PABPC4L: variants seen among roughly 807,000 people sequenced by gnomAD.
PABPC4L encodes polyadenylate-binding protein 4-like.
For synonymous variants in PABPC4L, 169 were observed against 164.1 expected (o/e 1.03, Z -0.23); for missense variants, 452 against 451.4 (o/e 1.00, Z -0.01).
At chr4:134,000,570 T>G in the PABPC4L span, among the ~76,000 whole-genome samples, 1 of 152,292 alleles carries the variant, frequency 6.6e-6, no homozygotes, top group South Asian at 2.1e-4. Flanking sequence ...ATTAACTGGA[T>G]CTCAGAATGC....
the PABPC4L span, among the ~76,000 whole-genome samples, chr4:134,089,919 T>C: frequency 1.3e-5 from 2 of 152,048 alleles, no homozygotes; most frequent in African/African-American, 4.8e-5. Context: ...ATACCCTTCA[T>C]AAATAAGGGG....
the PABPC4L span, among the ~76,000 whole-genome samples, chr4:134,146,633 A>C: frequency 6.6e-6 from 1 of 152,076 alleles, no homozygotes; most frequent in Non-Finnish European, 1.5e-5. Context: ...CTGAGGAGTG[A>C]GTAAGGCAGA....
At chr4:133,999,006 A>T in the PABPC4L span, among the ~76,000 whole-genome samples, 1 of 151,906 alleles carries the variant, frequency 6.6e-6, no homozygotes, top group African/African-American at 2.4e-5. Context: ...TACCCAGATG[A>T]AAGGACTGTT....
the PABPC4L span, among the ~76,000 whole-genome samples, chr4:134,127,392 A>G: frequency 1.3e-5 from 2 of 152,112 alleles, no homozygotes; most frequent in Non-Finnish European, 2.9e-5. Context: ...ACCCTCACAG[A>G]GTCCACTTCA....
the PABPC4L span, among the ~76,000 whole-genome samples, chr4:134,172,087 T>C: frequency 6.6e-6 from 1 of 152,138 alleles, no homozygotes; most frequent in African/African-American, 2.4e-5. Flanking sequence ...ATAATGGCCA[T>C]ATTACCCAAA....
the PABPC4L span, among the ~76,000 whole-genome samples, chr4:134,048,338 T>C: frequency 3.7e-3 from 558 of 152,254 alleles, 2 homozygotes; most frequent in African/African-American, 0.013. Context: ...TATATCTCAA[T>C]TGAAATTTTC....
the PABPC4L span, among the ~76,000 whole-genome samples, chr4:134,124,108 C>T: frequency 6.6e-6 from 1 of 152,134 alleles, no homozygotes; most frequent in Admixed American, 6.6e-5. Context: ...TAAATATTAA[C>T]TAAATCATGG....
chr4:134,150,862 G>C, the PABPC4L span, among the ~76,000 whole-genome samples: 1 of 152,078 alleles, frequency 6.6e-6, no homozygotes, highest in Non-Finnish European at 1.5e-5. Flanking sequence ...TTTTATGCCA[G>C]TATAAACTCA....
downstream of PABPC4L, among the ~76,000 whole-genome samples, chr4:134,194,968 C>A (rs1383943762): frequency 6.6e-6 from 1 of 151,698 alleles, no homozygotes; most frequent in South Asian, 2.1e-4. Context: ...TTACCAATAT[C>A]TTTTTAATTA....
At chr4:134,171,190 A>C in the PABPC4L span, among the ~76,000 whole-genome samples, 1 of 152,104 alleles carries the variant, frequency 6.6e-6, no homozygotes, top group Non-Finnish European at 1.5e-5. Context: ...ATCTCAGCTC[A>C]CTGCAACCTC....
At chr4:134,115,116 C>G in the PABPC4L span, among the ~76,000 whole-genome samples, 1 of 151,872 alleles carries the variant, frequency 6.6e-6, no homozygotes, top group Non-Finnish European at 1.5e-5. Flanking sequence ...GCTCCTCTTT[C>G]CTTTCTTTCC....
In PABPC4L at chr4:134,200,106, T is replaced by A; in HGVS notation, c.914A>T (p.Asp305Val). 1 of 1,551,692 alleles carries A rather than the reference T, an allele frequency of 6.4e-7. No individual in the cohort carries two copies. The change falls in exon 2 of 2, where the codon GAT becomes GTT. Residue 305 changes from aspartate (D) to valine (V), a missense_variant. Transcript: ENST00000421491. ...AAATTCGTTTCGTAGTTTTTCATCATCGATGGTGTCATCAAGGTTCTTAAT... is the reference window on the plus strand; with the variant it reads ...AAATTCGTTTCGTAGTTTTTCATCAACGATGGTGTCATCAAGGTTCTTAAT... Reference protein sequence around the residue: ...LYIKNLDDTIDDEKLRNEFSS... With the variant: ...LYIKNLDDTIVDEKLRNEFSS...
chr4:134,037,056 C>CAA, the PABPC4L span, among the ~76,000 whole-genome samples: 9 of 141,204 alleles, frequency 6.4e-5, no homozygotes, highest in Non-Finnish European at 1.3e-4. Context: ...AACTCCATCT[C>CAA]AAAAAAAAAA....
chr4:134,017,597 T>G, the PABPC4L span, among the ~76,000 whole-genome samples: 3 of 152,220 alleles, frequency 2.0e-5, no homozygotes, highest in Non-Finnish European at 4.4e-5. Context: ...CTGGCAGGAC[T>G]ATGCTGAATC....
the PABPC4L span, among the ~76,000 whole-genome samples, chr4:134,101,626 C>T: frequency 3.2e-4 from 48 of 151,354 alleles, no homozygotes; most frequent in African/African-American, 1.1e-3. Context: ...CAACATTTTT[C>T]TTTTTATACA....
At chr4:134,159,380 A>G in the PABPC4L span, among the ~76,000 whole-genome samples, 4 of 152,110 alleles carry the variant, frequency 2.6e-5, no homozygotes, top group Non-Finnish European at 5.9e-5. Flanking sequence ...GCTGTAACAG[A>G]ATAACAAGGA....
chr4:134,134,429 A>G, the PABPC4L span, among the ~76,000 whole-genome samples: 1 of 151,974 alleles, frequency 6.6e-6, no homozygotes, highest in African/African-American at 2.4e-5. Context: ...AATATAACAG[A>G]CATCAGATAG....
the PABPC4L span, among the ~76,000 whole-genome samples, chr4:134,088,092 G>A: frequency 9.9e-5 from 15 of 151,772 alleles, no homozygotes; most frequent in Admixed American, 9.9e-4. Flanking sequence ...GATTTCTGTT[G>A]CTCCTCTTAC....
the PABPC4L span, chr4:133,978,826 A>G: frequency 6.6e-5 from 10 of 152,172 alleles, no homozygotes; most frequent in Admixed American, 6.6e-4. Flanking sequence ...TTTATAATAT[A>G]ATTACCTTGT....
Sources: allele counts gnomAD v4.1 joint callset (sites outside exome capture counted in the v4.1 genomes callset), GRCh38; gene constraint gnomAD v4.1.1; transcripts MANE v1.5; gene names NCBI Gene and HGNC (gene_info 2026-07-23, HGNC 2026-07-21).